Variants in SAXO4 observed in about 807,000 individuals in gnomAD.
The protein encoded by SAXO4 is stabilizer of axonemal microtubules 4, also known as protein phosphatase 1 regulatory subunit 32.
At chr11:61,483,485 C>T in the SAXO4 span, among the ~76,000 whole-genome samples, 2 of 152,052 alleles carry the variant, frequency 1.3e-5, no homozygotes, top group Admixed American at 1.3e-4. Context: ...TCATTTCTAT[C>T]CTCATTATTA....
the SAXO4 span, chr11:61,482,454 G>T: frequency 6.2e-7 from 1 of 1,600,628 alleles, no homozygotes; most frequent in Non-Finnish European, 8.6e-7. Context: ...CCCCTTCCCA[G>T]CCCCTGCCCT....
the SAXO4 span, chr11:61,487,336 A>G: frequency 9.4e-7 from 1 of 1,065,818 alleles, no homozygotes. Context: ...GAGAAGATCA[A>G]TGCTGAGTGA....
the SAXO4 span, among the ~76,000 whole-genome samples, chr11:61,485,084 G>T: frequency 6.6e-6 from 1 of 152,142 alleles, no homozygotes; most frequent in Non-Finnish European, 1.5e-5. Context: ...CGGTCCCTCT[G>T]GGCCCCCCAC....
the SAXO4 span, chr11:61,482,881 T>C: frequency 6.9e-7 from 1 of 1,450,264 alleles, no homozygotes; most frequent in South Asian, 1.4e-5. Context: ...TGCCAACAGT[T>C]GGTCAAGGTG....
chr11:61,483,164 C>CTTTTTTTT, the SAXO4 span, among the ~76,000 whole-genome samples: 14 of 119,354 alleles, frequency 1.2e-4, no homozygotes, highest in Admixed American at 1.9e-4. Context: ...ATTTCTTTTT[C>CTTTTTTTT]TTTTTTTTTT....
At chr11:61,481,861 T>A in the SAXO4 span, 1 of 1,560,558 alleles carries the variant, frequency 6.4e-7, no homozygotes, top group Non-Finnish European at 8.6e-7. Flanking sequence ...GAAGATGAGT[T>A]CGGGGGGCTA....
chr11:61,485,215 G>T, the SAXO4 span: 1 of 780,058 alleles, frequency 1.3e-6, no homozygotes, highest in East Asian at 2.6e-5. Context: ...TGTCCAGGGT[G>T]CTGTACTGGC....
the SAXO4 span, chr11:61,484,865 AC>A: frequency 6.7e-7 from 1 of 1,491,396 alleles, no homozygotes; most frequent in Non-Finnish European, 8.9e-7. Flanking sequence ...GAGGGGCCAC[AC>A]CCGCCTCTTC....
At chr11:61,489,314 G>T in the SAXO4 span, 1 of 223,816 alleles carries the variant, frequency 4.5e-6, no homozygotes, top group Non-Finnish European at 8.7e-6. Flanking sequence ...TTCCTGGTGC[G>T]CGCAGAGCCC....
the SAXO4 span, chr11:61,485,199 G>T: frequency 1.2e-3 from 812 of 690,134 alleles, 2 homozygotes; most frequent in East Asian, 1.8e-3. Context: ...ACCCCACAGA[G>T]ACTTGTGTCC....
the SAXO4 span, chr11:61,482,783 C>G: frequency 5.0e-6 from 8 of 1,611,694 alleles, no homozygotes; most frequent in Admixed American, 1.7e-5. Context: ...CGGGAGAAGC[C>G]CAGTGCGGGT....
the SAXO4 span, chr11:61,485,358 G>A: frequency 2.1e-4 from 342 of 1,613,928 alleles, no homozygotes; most frequent in Middle Eastern, 3.3e-4. Flanking sequence ...TCATGACGTC[G>A]GAGTACAATT....
the SAXO4 span, chr11:61,490,374 T>C: frequency 1.2e-6 from 1 of 821,270 alleles, no homozygotes; most frequent in Non-Finnish European, 2.1e-6. Flanking sequence ...AAAGAATGTT[T>C]GTGGCTTGGC....
the SAXO4 span, chr11:61,485,496 A>G: frequency 2.7e-6 from 3 of 1,122,998 alleles, no homozygotes; most frequent in African/African-American, 4.7e-5. Context: ...TAGGACTGAG[A>G]AGGCACCAGT....
At chr11:61,485,372 A>G in the SAXO4 span, 2 of 1,614,032 alleles carry the variant, frequency 1.2e-6, no homozygotes, top group African/African-American at 1.3e-5. Flanking sequence ...TACAATTCCA[A>G]GTATCTCAGG....
the SAXO4 span, chr11:61,487,387 A>T: frequency 2.8e-6 from 2 of 707,632 alleles, no homozygotes; most frequent in African/African-American, 3.5e-5. Flanking sequence ...CAAGGATTGG[A>T]GTGCAAGCAT....
chr11:61,487,744 G>A, the SAXO4 span, among the ~76,000 whole-genome samples: 5 of 152,166 alleles, frequency 3.3e-5, no homozygotes, highest in Non-Finnish European at 7.3e-5. Context: ...GGCAGTGCGA[G>A]GGAGTCTGGA....
the SAXO4 span, chr11:61,482,835 G>A: frequency 6.4e-7 from 1 of 1,572,078 alleles, no homozygotes; most frequent in Non-Finnish European, 8.6e-7. Context: ...GGCCAGGAGA[G>A]GGAAGCCTCA....
chr11:61,486,692 G>A, the SAXO4 span: 2 of 1,278,730 alleles, frequency 1.6e-6, no homozygotes, highest in Non-Finnish European at 2.2e-6. Flanking sequence ...GTCAGGCATT[G>A]AAGAATGAGA....
Sources: gnomAD v4.1 joint callset for allele counts (sites outside exome capture counted in the v4.1 genomes callset) on GRCh38, gnomAD v4.1.1 for gene constraint, MANE v1.5 for transcripts, NCBI Gene and HGNC (gene_info 2026-07-23, HGNC 2026-07-21) for gene names.